The following PSPC1 variants were observed in gnomAD, a reference collection of about 807,000 sequenced individuals.
PSPC1 encodes paraspeckle component 1.
In PSPC1, 14 loss-of-function variants were observed where a neutral mutation model predicts 51.6. The observed-to-expected ratio is 0.27, with a 90% CI of 0.18 to 0.42. PSPC1 has a LOEUF of 0.42. Ranked by LOEUF, PSPC1 falls within the 10% of genes least tolerant of loss-of-function variation. The pLI is 1.00. For synonymous variants in PSPC1, 193 were observed against 231.9 expected, an observed-to-expected ratio of 0.83 and a Z score of 1.53; for missense variants, 406 against 701.1, an observed-to-expected ratio of 0.58 and a Z score of 4.75.
At chr13:19,694,141 A>C (rs1349105188) in intron 6 of PSPC1, among the ~76,000 whole-genome samples, 2 of 72,088 alleles carry the variant, frequency 2.8e-5, no homozygotes, top group Non-Finnish European at 2.8e-5. Flanking sequence ...AAAAAAAAAA[A>C]AAAAAAAAAC....
chr13:19,700,211 T>C (rs1027441288), downstream of PSPC1, among the ~76,000 whole-genome samples: 1 of 152,082 alleles, frequency 6.6e-6, no homozygotes, highest in Non-Finnish European at 1.5e-5. Flanking sequence ...ACTCTACATA[T>C]AAGTAGCAAG....
At chr13:19,731,705 C>T (rs1005822451) in intron 5 of PSPC1, among the ~76,000 whole-genome samples, 2 of 152,206 alleles carry the variant, frequency 1.3e-5, no homozygotes, top group African/African-American at 4.8e-5. Context: ...TGAGCCCCAA[C>T]ACCCCGGCTG....
chr13:19,714,017 C>T (rs1478667716), intron 6 of PSPC1, among the ~76,000 whole-genome samples: 1 of 152,202 alleles, frequency 6.6e-6, no homozygotes, highest in Non-Finnish European at 1.5e-5. Flanking sequence ...CTAGTAACCA[C>T]TGCATTTGTC....
At chr13:19,677,149 C>T (rs563912602) in intron 7 of PSPC1, among the ~76,000 whole-genome samples, 16,631 of 150,478 alleles carry the variant, frequency 0.11, 903 homozygotes, top group Middle Eastern at 0.18. Context: ...AGGAGAATGG[C>T]ATGAACCCGG....
At chr13:19,732,176 C>G (rs1292699404) in intron 5 of PSPC1, among the ~76,000 whole-genome samples, 1 of 152,160 alleles carries the variant, frequency 6.6e-6, no homozygotes, top group East Asian at 1.9e-4. Flanking sequence ...CACGCAAAAT[C>G]TGGACTATTT....
At chr13:19,756,920 G>A (rs1414116667) in intron 3 of PSPC1, among the ~76,000 whole-genome samples, 2 of 151,950 alleles carry the variant, frequency 1.3e-5, no homozygotes, top group Non-Finnish European at 2.9e-5. Flanking sequence ...ACAAGGTCAG[G>A]AAATCGAGAC....
chr13:19,684,544 T>C (rs932854980), intron 6 of PSPC1, among the ~76,000 whole-genome samples: 1 of 152,206 alleles, frequency 6.6e-6, no homozygotes, highest in African/African-American at 2.4e-5. Flanking sequence ...TAAAACCATT[T>C]AAAAAATAGC....
intron 4 of PSPC1, among the ~76,000 whole-genome samples, chr13:19,748,349 T>A (rs1361230243): frequency 6.6e-6 from 1 of 152,212 alleles, no homozygotes; most frequent in Non-Finnish European, 1.5e-5. Flanking sequence ...GTACAAGTAC[T>A]TCGGCACAAG....
chr13:19,760,203 T>G (rs1887483690), intron 2 of PSPC1, among the ~76,000 whole-genome samples: 1 of 152,142 alleles, frequency 6.6e-6, no homozygotes, highest in Admixed American at 6.6e-5. Context: ...CCAGTTTCCC[T>G]GTATCTATCA....
intron 6 of PSPC1, among the ~76,000 whole-genome samples, chr13:19,684,623 A>G (rs1011310979): frequency 6.6e-6 from 1 of 152,260 alleles, no homozygotes; most frequent in Non-Finnish European, 1.5e-5. Flanking sequence ...TGCAGAATCC[A>G]TTACATATTC....
At chr13:19,749,998 T>C (rs1045015014) in intron 4 of PSPC1, among the ~76,000 whole-genome samples, 4 of 152,140 alleles carry the variant, frequency 2.6e-5, no homozygotes, top group Non-Finnish European at 4.4e-5. Context: ...AAGTGCTCAA[T>C]AAACATTTAC....
At chr13:19,769,593 G>C (rs1051561612) in intron 2 of PSPC1, among the ~76,000 whole-genome samples, 1 of 150,258 alleles carries the variant, frequency 6.7e-6, no homozygotes, top group African/African-American at 2.5e-5. Context: ...AAATTAGCTG[G>C]GCATGGTGGC....
At chr13:19,677,970 T>C (rs1593507828) in intron 6 of PSPC1, 1 of 339,330 alleles carries the variant, frequency 2.9e-6, no homozygotes, top group East Asian at 8.4e-5. Context: ...TTATTTCCAT[T>C]CAGTAAGGAT....
chr13:19,739,406 TA>T (rs1343683230), intron 5 of PSPC1, among the ~76,000 whole-genome samples: 1 of 152,194 alleles, frequency 6.6e-6, no homozygotes, highest in Non-Finnish European at 1.5e-5. Flanking sequence ...TAGATTCAGG[TA>T]AGCCTTTATG....
At chr13:19,766,021 T>C (rs1593753364) in intron 2 of PSPC1, among the ~76,000 whole-genome samples, 1 of 152,204 alleles carries the variant, frequency 6.6e-6, no homozygotes, top group Non-Finnish European at 1.5e-5. Flanking sequence ...ATAGGAAAAG[T>C]ACAAAATTAT....
intron 6 of PSPC1, among the ~76,000 whole-genome samples, chr13:19,693,244 G>A (rs1205977084): frequency 6.6e-6 from 1 of 152,124 alleles, no homozygotes; most frequent in Non-Finnish European, 1.5e-5. Context: ...CTGCTCAAAC[G>A]CTATCATCTT....
intron 2 of PSPC1, 67 bp from the exon 3 acceptor site, chr13:19,759,485 A>C: frequency 1.9e-6 from 2 of 1,041,642 alleles, no homozygotes; most frequent in Non-Finnish European, 2.9e-6. Context: ...TCTTAAAAGA[A>C]ATGTTTTATA....
intron 4 of PSPC1, among the ~76,000 whole-genome samples, chr13:19,750,999 C>G (rs776236307): frequency 6.6e-6 from 1 of 152,016 alleles, no homozygotes; most frequent in African/African-American, 2.4e-5. Context: ...GAACTCCCGA[C>G]CTCAGGTGAT....
downstream of PSPC1, chr13:19,672,842 A>G (rs376764760): frequency 2.6e-3 from 879 of 331,714 alleles, 9 homozygotes; most frequent in African/African-American, 0.018. Context: ...GCTCACACCT[A>G]TAATCCCAGC....
Sources: allele counts gnomAD v4.1 joint callset (sites outside exome capture counted in the v4.1 genomes callset), GRCh38; gene constraint gnomAD v4.1.1; transcripts MANE v1.5; gene names NCBI Gene and HGNC (gene_info 2026-07-23, HGNC 2026-07-21).